DPYD: variants seen among roughly 807,000 people sequenced by gnomAD.
DPYD encodes the protein dihydropyrimidine dehydrogenase.
Under a neutral mutation model 116.2 loss-of-function variants are expected in DPYD, and 109 were observed. The ratio of observed to expected loss-of-function variants is 0.94; its 90% CI spans 0.80 to 1.10. DPYD has a LOEUF of 1.10. DPYD is among the 50% of genes least tolerant of loss of function. The pLI is 0.00. For missense variants in DPYD, 1,302 were observed against 1,254.5 expected, an observed-to-expected ratio of 1.04 and a Z score of -0.57; for synonymous variants, 440 against 432.0, an observed-to-expected ratio of 1.02 and a Z score of -0.23.
At chr1:97,482,887 A>C (rs1019649875) in intron 13 of DPYD, among the ~76,000 whole-genome samples, 18 of 152,210 alleles carry the variant, frequency 1.2e-4, no homozygotes, top group African/African-American at 3.9e-4. Context: ...ACACATTTTC[A>C]GTTAAATCTA....
intron 3 of DPYD, among the ~76,000 whole-genome samples, chr1:97,805,966 C>A (rs1294130474): frequency 2.6e-5 from 4 of 151,568 alleles, no homozygotes; most frequent in African/African-American, 9.7e-5. Context: ...ACTGTCAGAC[C>A]TGAAAGAAAA....
At chr1:97,864,973 T>C (rs1286120222) in intron 2 of DPYD, among the ~76,000 whole-genome samples, 1 of 151,922 alleles carries the variant, frequency 6.6e-6, no homozygotes, top group African/African-American at 2.4e-5. Flanking sequence ...CTTCTAGTTG[T>C]AATAACATAC....
intron 16 of DPYD, among the ~76,000 whole-genome samples, chr1:97,340,995 T>C (rs887678989): frequency 6.6e-6 from 1 of 152,198 alleles, no homozygotes; most frequent in African/African-American, 2.4e-5. Context: ...ACAGATGACC[T>C]ACCTCACCCC....
chr1:97,509,307 GGCAGGCAGA>G (rs1647604804), intron 13 of DPYD, among the ~76,000 whole-genome samples: 1 of 151,988 alleles, frequency 6.6e-6, no homozygotes, highest in Non-Finnish European at 1.5e-5. Flanking sequence ...GGCATTGTGA[GGCAGGCAGA>G]GCCTTGAAAA....
intron 12 of DPYD, among the ~76,000 whole-genome samples, chr1:97,537,799 T>C (rs924271636): frequency 7.2e-5 from 11 of 152,194 alleles, no homozygotes; most frequent in African/African-American, 2.7e-4. Context: ...TTAAAAAATA[T>C]ACGTTGAGGG....
At chr1:97,582,165 C>T (rs1653732838) in intron 10 of DPYD, among the ~76,000 whole-genome samples, 1 of 152,162 alleles carries the variant, frequency 6.6e-6, no homozygotes, top group Non-Finnish European at 1.5e-5. Context: ...AATTAGATGT[C>T]TCATAAGTGA....
At chr1:97,608,646 T>C in intron 8 of DPYD, among the ~76,000 whole-genome samples, 1 of 151,960 alleles carries the variant, frequency 6.6e-6, no homozygotes, top group South Asian at 2.1e-4. Flanking sequence ...CTGACCTAAG[T>C]GCTCTTGAAT....
intron 16 of DPYD, among the ~76,000 whole-genome samples, chr1:97,343,549 G>C (rs1438967737): frequency 6.6e-6 from 1 of 151,962 alleles, no homozygotes; most frequent in African/African-American, 2.4e-5. Flanking sequence ...ATTTTGTTTT[G>C]TTGCTTCTAT....
chr1:97,792,002 T>C (rs1272090158), intron 3 of DPYD, among the ~76,000 whole-genome samples: 2 of 152,204 alleles, frequency 1.3e-5, no homozygotes, highest in African/African-American at 2.4e-5. Flanking sequence ...AAAAAAACTA[T>C]ATTTTTAAAT....
chr1:97,912,661 C>G (rs1191836394), intron 1 of DPYD, among the ~76,000 whole-genome samples: 2 of 151,770 alleles, frequency 1.3e-5, no homozygotes, highest in Non-Finnish European at 2.9e-5. Flanking sequence ...AAAATCAAAT[C>G]GGGGAAATAA....
At chr1:97,390,135 C>A (rs1672614671) in intron 14 of DPYD, among the ~76,000 whole-genome samples, 1 of 151,998 alleles carries the variant, frequency 6.6e-6, no homozygotes, top group Non-Finnish European at 1.5e-5. Context: ...CAGGTCTATG[C>A]TTTTTAAAAC....
At chr1:97,202,821 TAC>T (rs1461999819) in intron 19 of DPYD, among the ~76,000 whole-genome samples, 1 of 152,082 alleles carries the variant, frequency 6.6e-6, no homozygotes, top group Non-Finnish European at 1.5e-5. Flanking sequence ...ATAAGAACCA[TAC>T]AGAGACACAG....
At chr1:97,102,952 C>A (rs1650854688) in intron 20 of DPYD, among the ~76,000 whole-genome samples, 1 of 151,938 alleles carries the variant, frequency 6.6e-6, no homozygotes, top group Non-Finnish European at 1.5e-5. Flanking sequence ...AAGAGTTGAT[C>A]TTTAAAAACC....
At chr1:97,335,026 G>C (rs1452833911) in intron 16 of DPYD, among the ~76,000 whole-genome samples, 1 of 152,120 alleles carries the variant, frequency 6.6e-6, no homozygotes, top group Non-Finnish European at 1.5e-5. Flanking sequence ...TTTAAAAAAC[G>C]ACAGAATGCC....
chr1:97,675,390 C>T (rs1645581986), intron 8 of DPYD, among the ~76,000 whole-genome samples: 1 of 152,126 alleles, frequency 6.6e-6, no homozygotes, highest in African/African-American at 2.4e-5. Context: ...TTGAATAAGA[C>T]ATAGGGCTTT....
chr1:97,622,640 G>A (rs1236443323), intron 8 of DPYD, among the ~76,000 whole-genome samples: 1 of 152,014 alleles, frequency 6.6e-6, no homozygotes, highest in Non-Finnish European at 1.5e-5. Context: ...CTATACTAAT[G>A]TAAGGTGCTA....
At chr1:97,679,996 A>AAG (rs1660349869) in intron 7 of DPYD, among the ~76,000 whole-genome samples, 1 of 152,174 alleles carries the variant, frequency 6.6e-6, no homozygotes, top group African/African-American at 2.4e-5. Context: ...CTGGTTCTTC[A>AAG]GTAATACTGA....
chr1:97,278,252 C>G (rs1665083582), intron 18 of DPYD, among the ~76,000 whole-genome samples: 1 of 152,174 alleles, frequency 6.6e-6, no homozygotes, highest in Admixed American at 6.5e-5. Context: ...TTTGCCTACT[C>G]AGGGGCTTCA....
rs116711062 is a variant in DPYD at position 97,447,038 on chromosome 1, T to C, written c.1905+3021A>G. 4.3e-3 allele frequency among the ~76,000 whole-genome samples: 651 copies of C among 152,194 alleles called. 7 individuals are homozygous for C. The highest frequency in any genetic ancestry group is 0.015 in the African/African-American group (634 of 41,540). On this transcript the variant is annotated intron_variant, in intron 14 of 22. Transcript: ENST00000370192. ...ACAATTCAGAGATGAGCCCTCACAA[T>C]ATATTTCAGAGGTCTCTCTGCCTTT...
Sources: allele counts gnomAD v4.1 joint callset (sites outside exome capture counted in the v4.1 genomes callset), GRCh38; gene constraint gnomAD v4.1.1; transcripts MANE v1.5; gene names NCBI Gene and HGNC (gene_info 2026-07-23, HGNC 2026-07-21).